Variants in TTC34 observed in about 807,000 individuals in gnomAD.
The protein encoded by TTC34 is tetratricopeptide repeat domain 34.
A neutral mutation model predicts 40.7 loss-of-function variants in TTC34; 44 were observed. That is an observed-to-expected ratio of 1.08 (90% CI 0.85 to 1.39). TTC34 has a LOEUF of 1.39. Among genes scored for constraint, TTC34 ranks in the 40% most tolerant of loss-of-function variants. TTC34 has a pLI of 0.00. For synonymous variants in TTC34, 422 were observed against 398.6 expected, an observed-to-expected ratio of 1.06 and a Z score of -0.70; for missense variants, 884 against 838.0, an observed-to-expected ratio of 1.05 and a Z score of -0.68.
chr1:2,753,266 C>A (rs1641386618), intron 6 of TTC34, among the ~76,000 whole-genome samples: 4 of 124,626 alleles, frequency 3.2e-5, no homozygotes, highest in African/African-American at 6.8e-5. Flanking sequence ...CCCAGGTGAG[C>A]ATCTGACAGC....
rs1414095428 is a variant in TTC34 at position 2,691,905 on chromosome 1, A to C, written c.2227-46342T>G. Among the ~76,000 whole-genome samples, 56 of 46,722 alleles carry C rather than the reference A, an allele frequency of 1.2e-3. 14 individuals carry two copies. The highest frequency in any genetic ancestry group is 2.1e-3 in the Non-Finnish European group (45 of 21,112). The allele number at this position is 46,722 out of a possible 152,430, so 30.7% of individuals were successfully genotyped here. A position where few individuals can be genotyped will look rare whatever the true frequency, so the allele number is the denominator to read the frequency against. Reference sequence around the variant, plus strand: ...GACAGCCAGGAGCAGCAACCTGCACACCCAGGTGAGCATCTGACAGTCTGG... The same window carrying C: ...GACAGCCAGGAGCAGCAACCTGCACCCCCAGGTGAGCATCTGACAGTCTGG... On this transcript the variant is annotated intron_variant, in intron 6 of 8. Coordinates refer to ENST00000401095, the Ensembl canonical transcript of TTC34.
intron 6 of TTC34, among the ~76,000 whole-genome samples, chr1:2,687,246 C>A (rs1217276017): frequency 1.3e-5 from 2 of 148,834 alleles, no homozygotes; most frequent in Admixed American, 6.6e-5. Flanking sequence ...CACCCACACC[C>A]CCAGGTGCGC....
At chr1:2,699,508 C>G (rs1255829571) in intron 6 of TTC34, among the ~76,000 whole-genome samples, 2 of 131,074 alleles carry the variant, frequency 1.5e-5, no homozygotes, top group Non-Finnish European at 3.4e-5. Flanking sequence ...AGGCGAGAAT[C>G]TGACAGCCTG....
intron 6 of TTC34, among the ~76,000 whole-genome samples, chr1:2,687,893 G>T (rs1275066567): frequency 4.4e-4 from 67 of 151,996 alleles, no homozygotes; most frequent in African/African-American, 1.6e-3. Context: ...ACATCCCCAG[G>T]TGAGCATCTG....
In TTC34 at chr1:2,694,910, A is replaced by G. The variant is rs1312722424; in HGVS notation, c.2227-49347T>C. Among the ~76,000 whole-genome samples, 2 of 128,106 alleles carry G rather than the reference A, an allele frequency of 1.6e-5. 1 individual carries two copies. The highest frequency in any genetic ancestry group is 3.3e-5 in the Non-Finnish European group (2 of 60,270). 84.0% of individuals were successfully genotyped at this position (128,106 alleles called of 152,430 possible). A position where few individuals can be genotyped will look rare whatever the true frequency, so the allele number is the denominator to read the frequency against. On this transcript the variant is annotated intron_variant, in intron 6 of 8. Coordinates refer to ENST00000401095, the Ensembl canonical transcript of TTC34. ...TCCGACAGCCTGGAACAGCACCCAC[A>G]CACTCACGCGAGCACCTGACATCCT... is the stretch of plus-strand genomic sequence containing the variant.
At chr1:2,759,560 C>G (rs1641622993) in intron 6 of TTC34, among the ~76,000 whole-genome samples, 2 of 151,984 alleles carry the variant, frequency 1.3e-5, no homozygotes, top group East Asian at 1.9e-4. Context: ...CACCCACACT[C>G]CCAGACGAGC....
chr1:2,751,783 C>G (rs1191006966), intron 6 of TTC34, among the ~76,000 whole-genome samples: 8,507 of 102,392 alleles, frequency 0.083, no homozygotes, highest in East Asian at 0.14. Context: ...AGGTGAGCAT[C>G]TGACAGCCTG....
chr1:2,796,064 C>A lies in TTC34; in HGVS notation c.784+3980G>T, dbSNP rs1247875607. ...AATGCAAGTTCAGCCCCTTTCGCCT[C>A]TTTGCTCTTCTGTCTTGTGCCAAGT... is the stretch of plus-strand genomic sequence containing the variant. On this transcript the variant is annotated intron_variant, in intron 2 of 8. Coordinates refer to ENST00000401095, the Ensembl canonical transcript of TTC34. The surrounding 1 kb of genome is among the most constrained non-coding windows in gnomAD (Gnocchi z 4.5). Among the ~76,000 whole-genome samples, 1 of 152,236 alleles carries A rather than the reference C, an allele frequency of 6.6e-6. No individual in the cohort carries two copies. Among genetic ancestry groups the A allele is most frequent in the East Asian group, 1.9e-4 (1 of 5,182 alleles).
chr1:2,641,235 TG>T, exon 9 of TTC34: 1 of 846,166 alleles, frequency 1.2e-6, no homozygotes, highest in Non-Finnish European at 1.5e-6. Flanking sequence ...TGGGGAGGGC[TG>T]GGAAGGGGGT....
rs1201125848 is a variant in TTC34 at position 2,751,921 on chromosome 1, C to T, written c.2226+31688G>A. ...GTGAGCATCTGATGGTCTGGAGCAG[C>T]ACGCATAACCACAGGTGAACATCGG... On this transcript the variant is annotated intron_variant, in intron 6 of 8. Transcript: ENST00000401095. Among the ~76,000 whole-genome samples the T allele has an allele frequency of 2.7e-5, 3 of 113,008 alleles. 1 individual carries two copies. The highest frequency in any genetic ancestry group is 1.9e-4 in the Admixed American group (2 of 10,778). 74.1% of individuals were successfully genotyped at this position (113,008 alleles called of 152,430 possible).
chr1:2,788,820 G>A (rs1643624779), intron 3 of TTC34, among the ~76,000 whole-genome samples: 3 of 152,316 alleles, frequency 2.0e-5, no homozygotes, highest in South Asian at 4.2e-4. Context: ...AAGGCCAGGC[G>A]CGGTGGCTCA....
intron 6 of TTC34, among the ~76,000 whole-genome samples, chr1:2,754,494 C>CT (rs1641434465): frequency 6.0e-5 from 1 of 16,530 alleles, no homozygotes; most frequent in Non-Finnish European, 9.5e-5. Context: ...GAACGGCACC[C>CT]ACACCCCCAG....
chr1:2,688,576 G>A (rs1342427363), intron 6 of TTC34, among the ~76,000 whole-genome samples: 1 of 142,578 alleles, frequency 7.0e-6, no homozygotes, highest in East Asian at 2.0e-4. Flanking sequence ...CACACCTTCC[G>A]GCGCGCATCC....
At chr1:2,692,505 C>A (rs1229832286) in intron 6 of TTC34, among the ~76,000 whole-genome samples, 3 of 130,828 alleles carry the variant, frequency 2.3e-5, no homozygotes, top group Non-Finnish European at 5.1e-5. Context: ...CAGCCTGCAC[C>A]CCCAGGTGTG....
intron 6 of TTC34, among the ~76,000 whole-genome samples, chr1:2,656,377 C>A (rs1361112748): frequency 9.8e-6 from 1 of 101,682 alleles, no homozygotes; most frequent in African/African-American, 4.1e-5. Flanking sequence ...CACCCACACC[C>A]ACAGGTGAGC....
chr1:2,761,972 C>G lies in TTC34; in HGVS notation c.2226+21637G>C, dbSNP rs1349165211. On this transcript the variant is annotated intron_variant, in intron 6 of 8. Coordinates refer to ENST00000401095, the Ensembl canonical transcript of TTC34. The stretch of plus-strand genomic sequence containing the variant: ...GACAGCCTGGAGCAGCACACACAAC[C>G]TTAGGCGAGCATCTGACAGCCTGGA... Among the ~76,000 whole-genome samples, 13 of 60,928 alleles carry G rather than the reference C, an allele frequency of 2.1e-4. No homozygotes were observed. The Admixed American group carries it at 2.2e-3, about 10-fold the overall frequency. The allele number at this position is 60,928 out of a possible 152,430, so 40.0% of individuals were successfully genotyped here.
chr1:2,755,925 C>T (rs1187163117), intron 6 of TTC34, among the ~76,000 whole-genome samples: 3 of 82,756 alleles, frequency 3.6e-5, no homozygotes, highest in African/African-American at 9.2e-5. Context: ...CATCTGACAG[C>T]CTGGAGCAGC....
intron 6 of TTC34, among the ~76,000 whole-genome samples, chr1:2,756,985 ACG>A (rs1641527882): frequency 1.4e-5 from 1 of 70,966 alleles, no homozygotes; most frequent in Admixed American, 1.4e-4. Flanking sequence ...CAGCACCCAC[ACG>A]CCCAGGTGAG....
At position 2,653,607 on chromosome 1, in the gene TTC34, C is replaced by T. The variant is rs1436081979; in HGVS notation, c.2227-8044G>A. ...TCTGACATCGTGGAGCAGCACCCTA[C>T]ACCCACAAGTGAGCATCTGACAGCC... On this transcript the variant is annotated intron_variant, in intron 6 of 8. Transcript: ENST00000401095. Among the ~76,000 whole-genome samples, 6 of 136,146 alleles carry T rather than the reference C, an allele frequency of 4.4e-5. 1 individual carries two copies. In the East Asian group the frequency reaches 9.7e-4, roughly 22 times the overall value. The allele number at this position is 136,146 out of a possible 152,430, so 89.3% of individuals were successfully genotyped here.
Sources: gnomAD v4.1 joint callset for allele counts (sites outside exome capture counted in the v4.1 genomes callset) on GRCh38, gnomAD v4.1.1 for gene constraint, Gnocchi (gnomAD v3.1) non-coding constraint, MANE v1.5 for transcripts, NCBI Gene and HGNC (gene_info 2026-07-23, HGNC 2026-07-21) for gene names.